Variants in PLXNA2 observed in about 807,000 individuals in gnomAD.
PLXNA2 encodes the protein plexin A2.
Under a neutral mutation model 193.5 loss-of-function variants are expected in PLXNA2, and 91 were observed. That is an observed-to-expected ratio of 0.47 (90% CI 0.40 to 0.56). PLXNA2 has a LOEUF of 0.56. Ranked by LOEUF, PLXNA2 falls within the 20% of genes least tolerant of loss-of-function variation. The pLI is 0.00. For synonymous variants in PLXNA2, 997 were observed against 1,027.3 expected, an observed-to-expected ratio of 0.97 and a Z score of 0.56; for missense variants, 1,995 against 2,503.2, an observed-to-expected ratio of 0.80 and a Z score of 4.33.
At chr1:208,086,618 C>T (rs1011525667) in intron 9 of PLXNA2, among the ~76,000 whole-genome samples, 7 of 151,908 alleles carry the variant, frequency 4.6e-5, no homozygotes, top group African/African-American at 1.7e-4. Flanking sequence ...TGTGAGGACT[C>T]CAGGCAGGCA....
intron 3 of PLXNA2, among the ~76,000 whole-genome samples, chr1:208,166,810 G>A (rs1392920199): frequency 6.6e-6 from 1 of 152,152 alleles, no homozygotes; most frequent in Non-Finnish European, 1.5e-5. Flanking sequence ...AGAAGGAAGG[G>A]TCTCTTTGTA....
intron 4 of PLXNA2, among the ~76,000 whole-genome samples, chr1:208,139,521 T>C (rs78944353): frequency 0.051 from 7,760 of 152,294 alleles, 275 homozygotes; most frequent in Non-Finnish European, 0.076. Context: ...ACTGACCTTG[T>C]GTGAGAAACA....
At chr1:208,172,864 G>T (rs1362392490) in intron 3 of PLXNA2, among the ~76,000 whole-genome samples, 1 of 152,188 alleles carries the variant, frequency 6.6e-6, no homozygotes, top group Non-Finnish European at 1.5e-5. Flanking sequence ...GGCTGCAGAA[G>T]ATGGGTCCTT....
chr1:208,166,205 G>A (rs543551293), intron 3 of PLXNA2, among the ~76,000 whole-genome samples: 14 of 152,332 alleles, frequency 9.2e-5, no homozygotes, highest in African/African-American at 3.4e-4. Flanking sequence ...AGCAACTAGT[G>A]ATGGGAGTTC....
Position 208,028,796 on chromosome 1 carries a change from A to G in PLXNA2, c.5438+34T>C. The G allele has an allele frequency of 1.3e-6, 2 of 1,584,670 alleles. No homozygotes were observed. The highest frequency in any genetic ancestry group is 1.7e-6 in the Non-Finnish European group (2 of 1,157,988). On this transcript the variant is annotated intron_variant, in intron 30 of 31. Coordinates refer to ENST00000367033, the MANE Select transcript of PLXNA2 (RefSeq NM_025179.4). This position sits in a 1 kb window ranked among gnomAD's most constrained non-coding sequence, Gnocchi z 4.2. ...TAGAGCGGGGAATGGGCAGGGAGAC[A>G]AGGGCATGGGCCTGTCCTGAGGGTG...
intron 3 of PLXNA2, among the ~76,000 whole-genome samples, chr1:208,203,000 C>T (rs1157201064): frequency 1.3e-5 from 2 of 152,362 alleles, no homozygotes; most frequent in African/African-American, 4.8e-5. Flanking sequence ...ACCTCCTTCC[C>T]TGGGGTCTGC....
Position 208,236,843 on chromosome 1 carries a change from C to A in PLXNA2, c.-81+6800G>T, listed in dbSNP as rs1381202244. On this transcript the variant is annotated intron_variant, in intron 1 of 31. Coordinates refer to ENST00000367033, the MANE Select transcript of PLXNA2 (RefSeq NM_025179.4). This position sits in a 1 kb window ranked among gnomAD's most constrained non-coding sequence, Gnocchi z 4.4. ...AATACAAGACTACACATACCCACATCATTCTTGAAGATATAGAATCTCCAA... is the reference window on the plus strand; with the variant it reads ...AATACAAGACTACACATACCCACATAATTCTTGAAGATATAGAATCTCCAA... Among the ~76,000 whole-genome samples, 1 of 152,242 alleles carries A rather than the reference C, an allele frequency of 6.6e-6. No homozygotes were observed. The highest frequency in any genetic ancestry group is 1.9e-4 in the East Asian group (1 of 5,202).
chr1:208,151,164 T>C (rs927461654), intron 3 of PLXNA2, among the ~76,000 whole-genome samples: 7 of 152,198 alleles, frequency 4.6e-5, no homozygotes, highest in African/African-American at 1.7e-4. Flanking sequence ...AGCAAAGCAA[T>C]AATTCACATG....
At position 208,235,573 on chromosome 1, in the gene PLXNA2, A is replaced by G. The variant is rs114049683; in HGVS notation, c.-81+8070T>C. 4.7e-3 allele frequency among the ~76,000 whole-genome samples: 721 copies of G among 152,300 alleles called. 6 individuals are homozygous for G. The highest frequency in any genetic ancestry group is 0.017 in the African/African-American group (686 of 41,558). On this transcript the variant is annotated intron_variant, in intron 1 of 31. Coordinates refer to ENST00000367033, the MANE Select transcript of PLXNA2 (RefSeq NM_025179.4). ...TCTGCCAGAGCGTAACTAACCTCTT[A>G]TCTCCCTCCTGGGACCAGGGAACAA...
At position 208,038,618 on chromosome 1, in the gene PLXNA2, C is replaced by A; in HGVS notation, c.4661-144G>T. 1 of 784,936 alleles carries A rather than the reference C, an allele frequency of 1.3e-6. No homozygotes were observed. Among genetic ancestry groups the A allele is most frequent in the South Asian group, 1.6e-5 (1 of 61,216 alleles). The allele number at this position is 784,936 out of a possible 1,614,324, so 48.6% of individuals were successfully genotyped here. ...TAACAGAGGCTAGAGACATCTAGGG[C>A]TCCATGGGCCCAGGCAGCAGAGGAA... is the stretch of plus-strand genomic sequence containing the variant. On this transcript the variant is annotated intron_variant, in intron 25 of 31. Coordinates refer to ENST00000367033, the MANE Select transcript of PLXNA2 (RefSeq NM_025179.4). This position sits in a 1 kb window ranked among gnomAD's most constrained non-coding sequence, Gnocchi z 4.1.
chr1:208,045,016 A>T (rs1477558864), intron 19 of PLXNA2, 51 bp downstream of exon 19: 1 of 1,608,800 alleles, frequency 6.2e-7, no homozygotes, highest in African/African-American at 1.3e-5. Flanking sequence ...GACAGATCAC[A>T]CATGCACCAC....
chr1:208,053,846 G>C (rs1202118530), intron 14 of PLXNA2, among the ~76,000 whole-genome samples: 1 of 152,214 alleles, frequency 6.6e-6, no homozygotes, highest in East Asian at 1.9e-4. Context: ...TGCGCATAAA[G>C]AGATGTTTTC....
chr1:208,027,809 C>T (rs1180891020), intron 31 of PLXNA2, among the ~76,000 whole-genome samples, 200 bp downstream of exon 31: 1 of 152,212 alleles, frequency 6.6e-6, no homozygotes, highest in African/African-American at 2.4e-5. Context: ...ATTGTGTTAA[C>T]AATGAGTGAA....
At chr1:208,230,439 C>T (rs1406575659) in intron 1 of PLXNA2, 2 of 152,258 alleles carry the variant, frequency 1.3e-5, no homozygotes, top group African/African-American at 4.8e-5. Context: ...TTTAGGACCA[C>T]TTGTGTTGCT....
intron 31 of PLXNA2, among the ~76,000 whole-genome samples, chr1:208,027,698 G>C (rs953275112): frequency 2.0e-5 from 3 of 152,204 alleles, no homozygotes; most frequent in African/African-American, 7.2e-5. Flanking sequence ...GTAACTGACA[G>C]GATCTGCCCG....
intron 12 of PLXNA2, among the ~76,000 whole-genome samples, chr1:208,072,599 T>C (rs1666009858): frequency 6.6e-6 from 1 of 152,132 alleles, no homozygotes; most frequent in African/African-American, 2.4e-5. Flanking sequence ...TTAATGGCCA[T>C]CTCATTGGTG....
chr1:208,140,556 C>G (rs1668430802), intron 4 of PLXNA2, among the ~76,000 whole-genome samples: 1 of 152,184 alleles, frequency 6.6e-6, no homozygotes, highest in Admixed American at 6.5e-5. Context: ...GTTTTATCCA[C>G]CAATATAGGT....
chr1:208,224,628 C>T (rs1286082235), intron 1 of PLXNA2, among the ~76,000 whole-genome samples: 1 of 152,040 alleles, frequency 6.6e-6, no homozygotes, highest in African/African-American at 2.4e-5. Flanking sequence ...CTTCATTAAT[C>T]GAATGTCATT....
At chr1:208,136,744 A>G (rs1668313260) in intron 4 of PLXNA2, among the ~76,000 whole-genome samples, 1 of 152,204 alleles carries the variant, frequency 6.6e-6, no homozygotes, top group African/African-American at 2.4e-5. Flanking sequence ...GCTTGGGAGT[A>G]AGCAGGAGGA....
Sources: allele counts gnomAD v4.1 joint callset (sites outside exome capture counted in the v4.1 genomes callset), GRCh38; gene constraint gnomAD v4.1.1; non-coding constraint Gnocchi (gnomAD v3.1); transcripts MANE v1.5; gene names NCBI Gene and HGNC (gene_info 2026-07-23, HGNC 2026-07-21).